The following ZMIZ1 variants were observed in gnomAD, a reference collection of about 807,000 sequenced individuals.
ZMIZ1 encodes the protein zinc finger MIZ-type containing 1.
Under a neutral mutation model 113.9 loss-of-function variants are expected in ZMIZ1, and 17 were observed. That is an observed-to-expected ratio of 0.15 (90% CI 0.10 to 0.22). The LOEUF (loss-of-function observed/expected upper bound fraction) is 0.22, where lower values mean the gene tolerates loss of function less well. ZMIZ1 is among the 10% of genes least tolerant of loss of function. The probability of loss-of-function intolerance (pLI) is 1.00; values close to 1 mark genes in which losing one functional copy is unlikely to be tolerated. For missense variants in ZMIZ1, 1,059 were observed against 1,477.8 expected, an observed-to-expected ratio of 0.72 and a Z score of 4.65; for synonymous variants, 607 against 603.1, an observed-to-expected ratio of 1.01 and a Z score of -0.09.
intron 1 of ZMIZ1, among the ~76,000 whole-genome samples, chr10:79,103,974 C>T (rs536402175): frequency 6.6e-6 from 1 of 152,326 alleles, no homozygotes; most frequent in South Asian, 2.1e-4. Flanking sequence ...ACCTTGTTCC[C>T]AGCTGGGCTG....
chr10:79,106,323 G>A (rs1741678187), intron 1 of ZMIZ1, among the ~76,000 whole-genome samples: 1 of 152,234 alleles, frequency 6.6e-6, no homozygotes. Context: ...TGTAGGTTTT[G>A]TCTTATGCTC....
chr10:79,221,777 G>C (rs981143844), intron 7 of ZMIZ1, among the ~76,000 whole-genome samples: 2 of 152,208 alleles, frequency 1.3e-5, no homozygotes, highest in Non-Finnish European at 2.9e-5. Flanking sequence ...TGAAATAATC[G>C]AATAGGGAAT....
At chr10:79,308,616 A>G (rs113447626) in intron 23 of ZMIZ1, among the ~76,000 whole-genome samples, 7,616 of 152,218 alleles carry the variant, frequency 0.05, 276 homozygotes, top group Middle Eastern at 0.092. Context: ...GGTAGCAGCA[A>G]CTTTCCCTCA....
At chr10:79,191,694 G>T (rs1046039625) in intron 4 of ZMIZ1, among the ~76,000 whole-genome samples, 3 of 152,210 alleles carry the variant, frequency 2.0e-5, no homozygotes, top group African/African-American at 7.2e-5. Context: ...GTTGAGGGAG[G>T]TCTGCCATAT....
chr10:79,297,582 C>G (rs1406272774), intron 13 of ZMIZ1, 31 bp from the exon 14 acceptor site: 3 of 1,599,388 alleles, frequency 1.9e-6, no homozygotes, highest in South Asian at 1.1e-5. Context: ...TTTCTGCCCC[C>G]CACTCAGTGT....
chr10:79,311,255 T>C, intron 24 of ZMIZ1, 71 bp downstream of exon 24: 1 of 964,566 alleles, frequency 1.0e-6, no homozygotes, highest in Non-Finnish European at 1.2e-6. Flanking sequence ...AGAGAAGGGG[T>C]GGGTGTGAGG....
chr10:79,310,057 G>A (rs770678173), intron 23 of ZMIZ1, among the ~76,000 whole-genome samples: 10 of 152,126 alleles, frequency 6.6e-5, no homozygotes, highest in Non-Finnish European at 1.0e-4. Flanking sequence ...TTCAGTGCAC[G>A]TGCCCACAGG....
intron 7 of ZMIZ1, among the ~76,000 whole-genome samples, chr10:79,268,976 G>GTGACC (rs777177891): frequency 2.5e-4 from 38 of 152,174 alleles, no homozygotes; most frequent in Non-Finnish European, 4.1e-4. Flanking sequence ...TCAGGATGTG[G>GTGACC]TGACCAGCGG....
In ZMIZ1 at chr10:79,295,943, A is replaced by G. The variant is rs535749621; in HGVS notation, c.1231-528A>G. 472 of 153,446 alleles carry G rather than the reference A, an allele frequency of 3.1e-3. 1 individual carries two copies. The highest frequency in any genetic ancestry group is 3.7e-3 in the Non-Finnish European group (256 of 68,632). 9.5% of individuals were successfully genotyped at this position (153,446 alleles called of 1,614,324 possible). On this transcript the variant is annotated intron_variant, in intron 12 of 24. Transcript: ENST00000334512. ...AACCTGGCTCTCCCACCTCCTGCAC[A>G]GGTGGCAGGTTGTCGATGGCCCAGA...
At chr10:79,180,305 G>C (rs1033967352) in intron 4 of ZMIZ1, among the ~76,000 whole-genome samples, 1 of 152,142 alleles carries the variant, frequency 6.6e-6, no homozygotes, top group African/African-American at 2.4e-5. Context: ...AAAGAGGCTG[G>C]GTCCCCCAGT....
chr10:79,075,567 A>ATGTACACACATGCACACC (rs1842440581), intron 1 of ZMIZ1, among the ~76,000 whole-genome samples: 1 of 49,372 alleles, frequency 2.0e-5, no homozygotes, highest in African/African-American at 9.2e-5. Flanking sequence ...CTGCACACAC[A>ATGTACACACATGCACACC]TGCACACACA....
At chr10:79,259,930 A>C (rs116163781) in intron 7 of ZMIZ1, among the ~76,000 whole-genome samples, 1 of 152,134 alleles carries the variant, frequency 6.6e-6, no homozygotes, top group Non-Finnish European at 1.5e-5. Flanking sequence ...GTCACCTTCT[A>C]GACAGTATGT....
At chr10:79,126,630 G>A (rs745800355) in intron 2 of ZMIZ1, among the ~76,000 whole-genome samples, 17 of 152,318 alleles carry the variant, frequency 1.1e-4, no homozygotes, top group Admixed American at 3.9e-4. Context: ...AGGTGCCCCC[G>A]GGGGGTTGGA....
intron 4 of ZMIZ1, among the ~76,000 whole-genome samples, chr10:79,200,965 G>A (rs544161736): frequency 6.6e-6 from 1 of 152,280 alleles, no homozygotes; most frequent in African/African-American, 2.4e-5. Context: ...GGAATCCAAG[G>A]GGAATTGCCA....
At chr10:79,306,459 G>C in intron 22 of ZMIZ1, 115 bp downstream of exon 22, 1 of 1,481,390 alleles carries the variant, frequency 6.8e-7, no homozygotes, top group East Asian at 2.3e-5. Flanking sequence ...TGAAGAGAGA[G>C]AAGTAACACA....
rs557014544 is a variant in ZMIZ1, at chr10:79,274,979, C to T, written c.281-2202C>T. On this transcript the variant is annotated intron_variant, in intron 7 of 24. Coordinates refer to ENST00000334512, the MANE Select transcript of ZMIZ1 (RefSeq NM_020338.4). ...TGCGAGGGGTGGGGCGGGCAGCAGG[C>T]GGCACCATCTGTGGCCGTCCTTTGT... is the stretch of plus-strand genomic sequence containing the variant. Among the ~76,000 whole-genome samples, 7 of 152,344 alleles carry T rather than the reference C, an allele frequency of 4.6e-5. No individual in the cohort carries two copies. In the South Asian group the frequency reaches 6.2e-4, roughly 14 times the overall value.
intron 7 of ZMIZ1, among the ~76,000 whole-genome samples, chr10:79,237,359 T>C (rs1849633334): frequency 6.6e-6 from 1 of 152,200 alleles, no homozygotes; most frequent in South Asian, 2.1e-4. Context: ...ACTTAGGTTT[T>C]AACGGATCCT....
At chr10:79,225,532 C>A (rs1233551804) in intron 7 of ZMIZ1, among the ~76,000 whole-genome samples, 1 of 151,688 alleles carries the variant, frequency 6.6e-6, no homozygotes, top group African/African-American at 2.4e-5. Context: ...GAGTTTGAGA[C>A]CAGCCTGGAC....
rs201135308 is a variant in ZMIZ1, at chr10:79,302,119, G to C, written c.2032G>C (p.Val678Leu). ...VTACCCSHLF[V>L]LQLVHRPSVR... is the part of the protein sequence containing the mutation. ...TCTCTCCCCGCAGTCCCACCTCTTC[G>C]TGCTGCAGCTGGTACACCGGCCCTC... The change falls in exon 18 of 25, where the codon GTG (valine) becomes CTG (leucine). Residue 678 changes from valine (V) to leucine (L), a missense_variant. Around this residue, in one of 6 missense-constraint regions of ZMIZ1, gnomAD observed 217 missense variants for 426.9 expected, o/e 0.51. Transcript: ENST00000334512. 7.4e-6 allele frequency: 12 copies of C among 1,613,948 alleles called. No homozygotes were observed. The East Asian group carries it at 2.0e-4, about 27-fold the overall frequency.
Sources: allele counts gnomAD v4.1 joint callset (sites outside exome capture counted in the v4.1 genomes callset), GRCh38; gene constraint gnomAD v4.1.1; regional missense constraint gnomAD v4.1.1; transcripts MANE v1.5; gene names NCBI Gene and HGNC (gene_info 2026-07-23, HGNC 2026-07-21).